GALNT18: variants seen among roughly 807,000 people sequenced by gnomAD.
GALNT18 encodes the protein GalNAc-transferase 18.
A neutral mutation model predicts 69.5 loss-of-function variants in GALNT18; 44 were observed. That is an observed-to-expected ratio of 0.63 (90% CI 0.50 to 0.81). The LOEUF (loss-of-function observed/expected upper bound fraction) is 0.81, where lower values mean the gene tolerates loss of function less well. GALNT18 is among the 40% of genes least tolerant of loss of function. The pLI, the probability that GALNT18 is intolerant of heterozygous loss-of-function variation, is 0.00. For missense variants in GALNT18, 715 were observed against 810.0 expected, an observed-to-expected ratio of 0.88 and a Z score of 1.42; for synonymous variants, 364 against 318.2, an observed-to-expected ratio of 1.14 and a Z score of -1.53.
chr11:11,478,753 T>C (rs1856456409), intron 1 of GALNT18, among the ~76,000 whole-genome samples: 1 of 150,144 alleles, frequency 6.7e-6, no homozygotes, highest in Non-Finnish European at 1.5e-5. Flanking sequence ...TTCTGTTTCA[T>C]GGGAGTTGAA....
In GALNT18 at chr11:11,320,745, G is replaced by A. The variant is rs2133038494; in HGVS notation, c.1512+6341C>T. 6.6e-6 allele frequency among the ~76,000 whole-genome samples: 1 copy of A among 152,224 alleles called. No homozygotes were observed. Among genetic ancestry groups the A allele is most frequent in the Admixed American group, 6.5e-5 (1 of 15,300 alleles). ...ATCATGGGTGGATGTAGGAGCTCAG[G>A]CTGGGAATACCCAGCCCGTCCCCAG... On this transcript the variant is annotated intron_variant, in intron 9 of 10. Coordinates refer to ENST00000227756, the MANE Select transcript of GALNT18 (RefSeq NM_198516.3). This position sits in a 1 kb window ranked among gnomAD's most constrained non-coding sequence, Gnocchi z 4.9.
At chr11:11,551,112 A>G (rs1205507909) in intron 1 of GALNT18, among the ~76,000 whole-genome samples, 1 of 151,966 alleles carries the variant, frequency 6.6e-6, no homozygotes, top group Non-Finnish European at 1.5e-5. Context: ...AGCCCAGAAG[A>G]AAATAACCAA....
intron 1 of GALNT18, among the ~76,000 whole-genome samples, chr11:11,558,649 T>C (rs924844820): frequency 3.5e-4 from 53 of 152,326 alleles, no homozygotes; most frequent in African/African-American, 1.3e-3. Context: ...TGGGAGCCCC[T>C]GCAGCCAGAG....
intron 6 of GALNT18, among the ~76,000 whole-genome samples, chr11:11,357,010 C>T (rs1038377042): frequency 3.9e-5 from 6 of 152,146 alleles, no homozygotes; most frequent in African/African-American, 1.4e-4. Flanking sequence ...AGCCACGGAG[C>T]TTCCTGCTCC....
chr11:11,406,699 A>G (rs1854595375), intron 3 of GALNT18, among the ~76,000 whole-genome samples: 1 of 152,270 alleles, frequency 6.6e-6, no homozygotes. Flanking sequence ...GGCCAAAGCC[A>G]TATTCTGGAA....
chr11:11,378,690 G>T (rs1853834613), intron 4 of GALNT18, among the ~76,000 whole-genome samples: 1 of 152,244 alleles, frequency 6.6e-6, no homozygotes, highest in South Asian at 2.1e-4. Context: ...GGCCCTGGCT[G>T]TGAGGCTGGG....
Position 11,356,128 on chromosome 11 carries a change from C to T in GALNT18, c.1093-15124G>A, listed in dbSNP as rs1352353456. On this transcript the variant is annotated intron_variant, in intron 6 of 10. Coordinates refer to ENST00000227756, the MANE Select transcript of GALNT18 (RefSeq NM_198516.3). This position sits in a 1 kb window ranked among gnomAD's most constrained non-coding sequence, Gnocchi z 4.4. ...CTGCCCTTTGCATTGCTTTACAAAGCCAAGAACATTTGTATTTGGAGATGC... is the reference window on the plus strand; with the variant it reads ...CTGCCCTTTGCATTGCTTTACAAAGTCAAGAACATTTGTATTTGGAGATGC... Among the ~76,000 whole-genome samples the T allele has an allele frequency of 6.6e-6, 1 of 152,150 alleles. No homozygotes were observed. The highest frequency in any genetic ancestry group is 1.5e-5 in the Non-Finnish European group (1 of 68,036).
In GALNT18 at chr11:11,584,567, A is replaced by G. The variant is rs1004488893; in HGVS notation, c.235+36792T>C. 2.6e-5 allele frequency among the ~76,000 whole-genome samples: 4 copies of G among 152,182 alleles called. No individual in the cohort carries two copies. The highest frequency in any genetic ancestry group is 4.4e-5 in the Non-Finnish European group (3 of 68,032). On this transcript the variant is annotated intron_variant, in intron 1 of 10. Coordinates refer to ENST00000227756, the MANE Select transcript of GALNT18 (RefSeq NM_198516.3). This position sits in a 1 kb window ranked among gnomAD's most constrained non-coding sequence, Gnocchi z 4.1. ...CGAGTCTTCAGTGAAACACCCACAG[A>G]GAGCCGTTTGCCCCTTGAGATTCCT...
chr11:11,478,792 C>T (rs913102090), intron 1 of GALNT18, among the ~76,000 whole-genome samples: 1 of 151,890 alleles, frequency 6.6e-6, no homozygotes, highest in Non-Finnish European at 1.5e-5. Flanking sequence ...CTCCTGCAAG[C>T]CGCGTTTCTC....
At chr11:11,534,051 C>A (rs538632929) in intron 1 of GALNT18, among the ~76,000 whole-genome samples, 1 of 152,352 alleles carries the variant, frequency 6.6e-6, no homozygotes, top group South Asian at 2.1e-4. Flanking sequence ...TGCTAGCACC[C>A]CTACGTCACA....
chr11:11,365,197 C>T (rs934615888), intron 6 of GALNT18, among the ~76,000 whole-genome samples: 1 of 152,084 alleles, frequency 6.6e-6, no homozygotes, highest in South Asian at 2.1e-4. Flanking sequence ...TTCTCTGTGT[C>T]CATGTGTTCT....
Position 11,347,863 on chromosome 11 carries a change from C to T in GALNT18, c.1093-6859G>A, listed in dbSNP as rs1235172110. Among the ~76,000 whole-genome samples, 2 of 152,184 alleles carry T rather than the reference C, an allele frequency of 1.3e-5. No individual in the cohort carries two copies. The highest frequency in any genetic ancestry group is 4.8e-5 in the African/African-American group (2 of 41,436). Reference sequence around the variant, plus strand: ...AGAGACAAGAGTGAAAAGCCAAAACCAGCAGGCTATGGGGAGGAAGACGAG... The same window carrying T: ...AGAGACAAGAGTGAAAAGCCAAAACTAGCAGGCTATGGGGAGGAAGACGAG... On this transcript the variant is annotated intron_variant, in intron 6 of 10. Transcript: ENST00000227756. The surrounding 1 kb of genome is among the most constrained non-coding windows in gnomAD (Gnocchi z 4.0).
intron 1 of GALNT18, among the ~76,000 whole-genome samples, chr11:11,483,335 T>C (rs1856573843): frequency 6.6e-6 from 1 of 152,222 alleles, no homozygotes; most frequent in Non-Finnish European, 1.5e-5. Context: ...GTCTATGCTA[T>C]GACTCTGTCC....
chr11:11,344,978 A>G (rs1850278282), intron 6 of GALNT18, among the ~76,000 whole-genome samples: 1 of 152,296 alleles, frequency 6.6e-6, no homozygotes, highest in Admixed American at 6.5e-5. Flanking sequence ...GTGTGTGCCT[A>G]TTATTATTTC....
At chr11:11,283,384 T>G (rs1564878774) in intron 10 of GALNT18, among the ~76,000 whole-genome samples, 1 of 152,162 alleles carries the variant, frequency 6.6e-6, no homozygotes, top group Non-Finnish European at 1.5e-5. Flanking sequence ...TGACCTCAGG[T>G]GATCTGCCTG....
Position 11,531,546 on chromosome 11 carries a change from G to T in GALNT18, c.236-82610C>A, listed in dbSNP as rs564065891. 3.9e-5 allele frequency among the ~76,000 whole-genome samples: 6 copies of T among 152,342 alleles called. No individual in the cohort carries two copies. The South Asian group carries it at 6.2e-4, about 16-fold the overall frequency. ...TGCAGCACCCAGCCTCCTCAGTAAG[G>T]CTCAGCCAAGGGAAGCCATCCATAG... On this transcript the variant is annotated intron_variant, in intron 1 of 10. Transcript: ENST00000227756.
At chr11:11,474,341 G>A (rs183178910) in intron 1 of GALNT18, among the ~76,000 whole-genome samples, 2 of 152,310 alleles carry the variant, frequency 1.3e-5, no homozygotes, top group Non-Finnish European at 2.9e-5. Context: ...AACCAAAATG[G>A]CACGAGTGTG....
chr11:11,351,670 G>C (rs1850405373), intron 6 of GALNT18, among the ~76,000 whole-genome samples: 1 of 152,026 alleles, frequency 6.6e-6, no homozygotes, highest in African/African-American at 2.4e-5. Flanking sequence ...TCTTTGTTTT[G>C]AAATAGGATC....
intron 1 of GALNT18, among the ~76,000 whole-genome samples, chr11:11,526,617 C>T (rs1857532582): frequency 6.6e-6 from 1 of 152,116 alleles, no homozygotes; most frequent in Admixed American, 6.5e-5. Flanking sequence ...ATCACAAAGG[C>T]TACATCTCAG....
Sources: gnomAD v4.1 joint callset for allele counts (sites outside exome capture counted in the v4.1 genomes callset) on GRCh38, gnomAD v4.1.1 for gene constraint, Gnocchi (gnomAD v3.1) non-coding constraint, MANE v1.5 for transcripts, NCBI Gene and HGNC (gene_info 2026-07-23, HGNC 2026-07-21) for gene names.